The following GCN1 variants were observed in gnomAD, a reference collection of about 807,000 sequenced individuals.
GCN1 encodes stalled ribosome sensor GCN1.
A neutral mutation model predicts 288.4 loss-of-function variants in GCN1; 90 were observed. That is an observed-to-expected ratio of 0.31 (90% CI 0.26 to 0.37). The LOEUF is 0.37. Among genes scored for constraint, GCN1 ranks in the 10% least tolerant of loss-of-function variants. The probability of loss-of-function intolerance (pLI) is 1.00; values close to 1 mark genes in which losing one functional copy is unlikely to be tolerated. For missense variants in GCN1, 2,586 were observed against 3,419.9 expected (o/e 0.76, Z 6.08); for synonymous variants, 1,386 against 1,420.2 (o/e 0.98, Z 0.54).
In GCN1 at chr12:120,151,797, A is replaced by G. The variant is rs373648301; in HGVS notation, c.4063-406T>C. On this transcript the variant is annotated intron_variant, in intron 33 of 57. Transcript: ENST00000300648. The stretch of plus-strand genomic sequence containing the variant: ...CCAAACTTGTCAAAATCACAGAGAA[A>G]TTGGGCAGGGCCTTATAGGACCAGG... Among the ~76,000 whole-genome samples, 58 of 152,314 alleles carry G rather than the reference A, an allele frequency of 3.8e-4. 2 individuals carry two copies. In the South Asian group the frequency reaches 9.7e-3, roughly 26 times the overall value.
intron 2 of GCN1, among the ~76,000 whole-genome samples, chr12:120,189,123 G>A (rs1414296725): frequency 6.6e-6 from 1 of 152,154 alleles, no homozygotes; most frequent in Non-Finnish European, 1.5e-5. Context: ...AGGCTGGAGT[G>A]CAGTAGCACG....
chr12:120,137,663 G>C lies in GCN1; in HGVS notation c.6545C>G (p.Ser2182Ter). The part of the protein sequence containing the change: ...AIILNIYCSR[S>*]KADYTSHLRS... The stretch of plus-strand genomic sequence containing the variant: ...CAGGTGGCTGGTGTAGTCAGCCTTT[G>C]AGCGGGAACAGTAGATGTTGAGGAT... The change falls in exon 49 of 58, where the codon TCA becomes TGA. Residue 2182 changes from serine to a stop codon, truncating the protein, a stop_gained. Transcript: ENST00000300648. LOFTEE classifies it high-confidence loss of function. This position sits in a 1 kb window ranked among gnomAD's most constrained non-coding sequence, Gnocchi z 5.2. The C allele has an allele frequency of 6.2e-7, 1 of 1,614,174 alleles. No individual in the cohort carries two copies. The highest frequency in any genetic ancestry group is 1.3e-5 in the African/African-American group (1 of 75,056).
At chr12:120,154,763 G>A (rs375686689) in intron 31 of GCN1, among the ~76,000 whole-genome samples, 10 of 152,330 alleles carry the variant, frequency 6.6e-5, no homozygotes, top group African/African-American at 2.4e-4. Flanking sequence ...GAGAGGTGAG[G>A]AGGCAGGTCA....
At chr12:120,177,346 T>G in intron 9 of GCN1, 101 bp downstream of exon 9, 4 of 640,948 alleles carry the variant, frequency 6.2e-6, no homozygotes, top group Middle Eastern at 3.8e-4. Context: ...TACATCCCCC[T>G]TCCCTCCCCC....
intron 33 of GCN1, among the ~76,000 whole-genome samples, chr12:120,152,704 G>A (rs946209672): frequency 2.1e-5 from 3 of 145,352 alleles, no homozygotes; most frequent in Non-Finnish European, 4.5e-5. Flanking sequence ...ATACATACAT[G>A]CGTGTTTTTC....
chr12:120,157,298 C>T (rs1404642104), intron 26 of GCN1, among the ~76,000 whole-genome samples: 1 of 152,194 alleles, frequency 6.6e-6, no homozygotes, highest in African/African-American at 2.4e-5. Flanking sequence ...ATGAGATTAT[C>T]ATTCTTTCAC....
At position 120,148,221 on chromosome 12, in the gene GCN1, C is replaced by T. The variant is rs1229254221; in HGVS notation, c.4672G>A (p.Gly1558Arg). The stretch of plus-strand genomic sequence containing the variant: ...CCGATCTGCCTGAGCGCCTGCTGTC[C>T]AGCCTTCTGGACTTTGACATGGGAG... ...TDSHVKVQKA[G>R]QQALRQIGSV... Residue 1558 changes from glycine (G) to arginine (R), a missense_variant, in exon 37 of 58, where the codon GGA (glycine) becomes AGA (arginine). Around this residue, in one of 8 missense-constraint regions of GCN1, gnomAD observed 371 missense variants for 572.6 expected, o/e 0.65. Coordinates refer to ENST00000300648, the MANE Select transcript of GCN1 (RefSeq NM_006836.2). 6.2e-7 allele frequency: 1 copy of T among 1,614,106 alleles called. No homozygotes were observed. Among genetic ancestry groups the T allele is most frequent in the South Asian group, 1.1e-5 (1 of 91,090 alleles).
In GCN1 at chr12:120,149,963, G is replaced by A; in HGVS notation, c.4390C>T (p.Leu1464=). 2 of 1,614,152 alleles carry A rather than the reference G, an allele frequency of 1.2e-6. No individual in the cohort carries two copies. The highest frequency in any genetic ancestry group is 1.7e-6 in the Non-Finnish European group (2 of 1,179,994). ...TTTCCATCCCCAAAGCACAGGAGCA[G>A]ATGGGGCAGCACGTGAACCACATAC... ...EPYVVHVLPH[L]LLCFGDGNQY... Residue 1464 remains leucine (L), a synonymous_variant, in exon 35 of 58, where the codon CTG becomes TTG. Transcript: ENST00000300648.
In GCN1 at chr12:120,155,468, A is replaced by T. The variant is rs1346188411; in HGVS notation, c.3441-38T>A. The T allele has an allele frequency of 6.2e-7, 1 of 1,605,710 alleles. No individual in the cohort carries two copies. Among genetic ancestry groups the T allele is most frequent in the South Asian group, 1.1e-5 (1 of 90,962 alleles). ...CAAGGCAGGGGCTGCTTAGACAAAG[A>T]TCTGCAGCACTTGCCCTGCCAGCCC... is the stretch of plus-strand genomic sequence containing the variant. On this transcript the variant is annotated intron_variant, in intron 29 of 57. Coordinates refer to ENST00000300648, the MANE Select transcript of GCN1 (RefSeq NM_006836.2). This position sits in a 1 kb window ranked among gnomAD's most constrained non-coding sequence, Gnocchi z 4.9.
intron 14 of GCN1, among the ~76,000 whole-genome samples, chr12:120,171,141 C>CAAA (rs56734169): frequency 5.7e-5 from 5 of 88,458 alleles, no homozygotes; most frequent in Admixed American, 2.7e-4. Context: ...ACCCCATCTC[C>CAAA]AAAAAAAAAA....
chr12:120,183,730 C>CGAA, intron 4 of GCN1, 53 bp from the exon 5 acceptor site: 1 of 1,060,042 alleles, frequency 9.4e-7, no homozygotes, highest in Non-Finnish European at 1.5e-6. Context: ...ACCTTGAGGA[C>CGAA]GAACACTGTC....
chr12:120,189,671 C>T (rs1878941904), intron 2 of GCN1, among the ~76,000 whole-genome samples: 2 of 152,056 alleles, frequency 1.3e-5, no homozygotes, highest in Non-Finnish European at 2.9e-5. Flanking sequence ...CTGGCCAAGG[C>T]CATGGTTCTA....
chr12:120,150,999 C>G, intron 34 of GCN1, 146 bp downstream of exon 34: 1 of 855,022 alleles, frequency 1.2e-6, no homozygotes, highest in Non-Finnish European at 1.8e-6. Context: ...AAGGACGCAG[C>G]TGGACTGGGT....
chr12:120,142,608 T>C lies in GCN1; in HGVS notation c.5728A>G (p.Ile1910Val). Residue 1910 changes from isoleucine to valine, a missense_variant, in exon 44 of 58, where the codon ATT becomes GTT. Physicochemically the swap from Ile to Val is conservative, Grantham distance 29 (BLOSUM62 3). Transcript: ENST00000300648. This position sits in a 1 kb window ranked among gnomAD's most constrained non-coding sequence, Gnocchi z 4.9. The part of the protein sequence containing the change: ...VRQASLHVWK[I>V]VVSNTPRTLR... ...GTGCGGGGGGTATTGGAGACAACAA[T>C]CTTCCAGACATGCAGGGACGCCTGC... 1 of 1,614,008 alleles carries C rather than the reference T, an allele frequency of 6.2e-7. No homozygotes were observed. The highest frequency in any genetic ancestry group is 1.1e-5 in the South Asian group (1 of 91,082).
chr12:120,138,908 C>T, intron 45 of GCN1, 52 bp from the exon 46 acceptor site: 2 of 1,517,768 alleles, frequency 1.3e-6, no homozygotes, highest in Non-Finnish European at 1.8e-6. Flanking sequence ...AAAGAAGGAG[C>T]AGAAGCAGAC....
chr12:120,174,518 C>T (rs1179756068), intron 12 of GCN1, among the ~76,000 whole-genome samples: 3 of 152,156 alleles, frequency 2.0e-5, no homozygotes, highest in East Asian at 3.8e-4. Flanking sequence ...CTAGGCCAGG[C>T]GCAGTGGCTC....
At chr12:120,164,253 T>C in intron 18 of GCN1, 83 bp downstream of exon 18, 1 of 1,180,364 alleles carries the variant, frequency 8.5e-7, no homozygotes, top group Non-Finnish European at 1.2e-6. Flanking sequence ...ACCCAGGGAG[T>C]GGCCCAGCCA....
chr12:120,185,064 CAGAAAA>C (rs1488951483), intron 2 of GCN1, among the ~76,000 whole-genome samples, 177 bp from the exon 3 acceptor site: 1 of 152,138 alleles, frequency 6.6e-6, no homozygotes, highest in African/African-American at 2.4e-5. Context: ...ATGCCTGGTA[CAGAAAA>C]GCTTTGGGTA....
chr12:120,175,625 C>G (rs2286051), intron 11 of GCN1, 121 bp downstream of exon 11: 1 of 1,020,468 alleles, frequency 9.8e-7, no homozygotes, highest in Non-Finnish European at 1.4e-6. Context: ...TGTGACGTCC[C>G]CCTGGCCACA....
Sources: gnomAD v4.1 joint callset for allele counts (sites outside exome capture counted in the v4.1 genomes callset) on GRCh38, gnomAD v4.1.1 for gene constraint, gnomAD v4.1.1 regional missense constraint, Gnocchi (gnomAD v3.1) non-coding constraint, MANE v1.5 for transcripts, NCBI Gene and HGNC (gene_info 2026-07-23, HGNC 2026-07-21) for gene names.